CCL4: variants seen among roughly 807,000 people sequenced by gnomAD.
CCL4 encodes the protein C-C motif chemokine 4.
Under a neutral mutation model 10.3 loss-of-function variants are expected in CCL4, and 8 were observed. That is an observed-to-expected ratio of 0.77 (90% confidence interval 0.45 to 1.39). CCL4 has a LOEUF of 1.39. Among genes scored for constraint, CCL4 ranks in the 40% most tolerant of loss-of-function variants. The pLI is 0.00. For synonymous variants in CCL4, 35 were observed against 44.3 expected (o/e 0.79, Z 0.83); for missense variants, 106 against 111.2 (o/e 0.95, Z 0.21).
At chr17:36,104,378 T>C in intron 1 of CCL4, 150 bp from the exon 2 acceptor site, 1 of 916,900 alleles carries the variant, frequency 1.1e-6, no homozygotes, top group Non-Finnish European at 1.8e-6. Context: ...GATCCACTAT[T>C]CAAAATAAGA....
intron 1 of CCL4, chr17:36,104,210 G>C (rs2067141638): frequency 1.4e-6 from 1 of 719,568 alleles, no homozygotes; most frequent in African/African-American, 1.7e-5. Context: ...CTGGAAGTCA[G>C]ACTGTTGAAT....
At position 36,105,395 on chromosome 17, in the gene CCL4, G is replaced by C; in HGVS notation, c.*83G>C. 7.4e-7 allele frequency: 1 copy of C among 1,358,156 alleles called. No individual in the cohort carries two copies. The highest frequency in any genetic ancestry group is 1.2e-5 in the South Asian group (1 of 85,692). The allele number at this position is 1,358,156 out of a possible 1,614,324, so 84.1% of individuals were successfully genotyped here. A position where few individuals can be genotyped will look rare whatever the true frequency, so the allele number is the denominator to read the frequency against. On this transcript the variant is annotated 3_prime_UTR_variant, in exon 3 of 3. Coordinates refer to ENST00000615863, the MANE Select transcript of CCL4 (RefSeq NM_002984.4). ...TGAGACACATCTCCTCCATACTCAG[G>C]ACTCCTCTCCGCAGTTCCTGTCCCT...
At chr17:36,104,189 A>G in intron 1 of CCL4, 1 of 748,248 alleles carries the variant, frequency 1.3e-6, no homozygotes, top group Non-Finnish European at 2.4e-6. Flanking sequence ...CCAGCAGAGG[A>G]AAACGATGGG....
chr17:36,105,053 C>T (rs2067149630), intron 2 of CCL4, 172 bp from the exon 3 acceptor site: 3 of 789,802 alleles, frequency 3.8e-6, no homozygotes. Flanking sequence ...ACAGCTAAAT[C>T]CAGTGGGTGG....
intron 2 of CCL4, 31 bp from the exon 3 acceptor site, chr17:36,105,194 G>T (rs1361484836): frequency 1.9e-6 from 3 of 1,600,602 alleles, no homozygotes; most frequent in South Asian, 2.2e-5. Context: ...GGTCTCATGA[G>T]ATTCTAATCT....
rs2067154650 is a variant in CCL4, at chr17:36,105,441, T to TA, written c.*130dup. ...TCCCTTCTCTTAATTTAATCTTTTT[T>TA]ATGTGCCGTGTTATTGTATTAGGTG... On this transcript the variant is annotated 3_prime_UTR_variant, in exon 3 of 3. Transcript: ENST00000615863. 6 of 937,516 alleles carry TA rather than the reference T, an allele frequency of 6.4e-6. No homozygotes were observed. The highest frequency in any genetic ancestry group is 8.5e-6 in the Non-Finnish European group (5 of 586,050). 58.1% of individuals were successfully genotyped at this position (937,516 alleles called of 1,614,324 possible). A position where few individuals can be genotyped will look rare whatever the true frequency, so the allele number is the denominator to read the frequency against.
chr17:36,104,909 A>C (rs111504156), intron 2 of CCL4: 2 of 694,062 alleles, frequency 2.9e-6, no homozygotes, highest in Admixed American at 4.0e-5. Flanking sequence ...GTCCCATGAG[A>C]TATGGACCGA....
In CCL4 at chr17:36,105,579, G is replaced by A. The variant is rs1049840; in HGVS notation, c.*267G>A. 2 of 552,490 alleles carry A rather than the reference G, an allele frequency of 3.6e-6. No homozygotes were observed. Among genetic ancestry groups the A allele is most frequent in the African/African-American group, 1.9e-5 (1 of 53,152 alleles). 34.2% of individuals were successfully genotyped at this position (552,490 alleles called of 1,614,324 possible). On this transcript the variant is annotated 3_prime_UTR_variant, in exon 3 of 3. Transcript: ENST00000615863. Reference sequence around the variant, plus strand: ...ATACATGGATAACACATTTGATTCTGTGTGTTTTCATAATAAAACTTTAAA... The same window carrying A: ...ATACATGGATAACACATTTGATTCTATGTGTTTTCATAATAAAACTTTAAA...
intron 2 of CCL4, chr17:36,105,021 A>G: frequency 1.4e-6 from 1 of 733,176 alleles, no homozygotes; most frequent in Non-Finnish European, 2.5e-6. Flanking sequence ...TTGGTTCCTA[A>G]TCTGGGCAAC....
chr17:36,104,181 A>T, intron 1 of CCL4, 200 bp downstream of exon 1: 1 of 770,780 alleles, frequency 1.3e-6, no homozygotes, highest in Non-Finnish European at 2.3e-6. Flanking sequence ...ATTAGCAACC[A>T]GCAGAGGAAA....
chr17:36,104,546 C>T lies in CCL4; in HGVS notation c.95C>T (p.Thr32Ile). The change falls in exon 2 of 3, where the codon ACC (threonine) becomes ATC (isoleucine). Residue 32 changes from threonine to isoleucine, a missense_variant. By Grantham distance (89) the Thr-to-Ile change is moderately conservative. Coordinates refer to ENST00000615863, the MANE Select transcript of CCL4 (RefSeq NM_002984.4). ...CTTTCAGTGGGCTCAGACCCTCCCACCGCCTGCTGCTTTTCTTACACCGCG... is the reference window on the plus strand; with the variant it reads ...CTTTCAGTGGGCTCAGACCCTCCCATCGCCTGCTGCTTTTCTTACACCGCG... ...LSAPMGSDPPTACCFSYTARK... is the reference protein window; with the variant it reads ...LSAPMGSDPPIACCFSYTARK... 1.2e-6 allele frequency: 2 copies of T among 1,612,200 alleles called. No individual in the cohort carries two copies. The highest frequency in any genetic ancestry group is 1.7e-6 in the Non-Finnish European group (2 of 1,179,842).
chr17:36,105,228 C>T lies in CCL4; in HGVS notation c.195C>T (p.Phe65=). The change falls in exon 3 of 3, where the codon TTC becomes TTT. Residue 65 remains phenylalanine (F), a synonymous_variant. Coordinates refer to ENST00000615863, the MANE Select transcript of CCL4 (RefSeq NM_002984.4). ...SSLCSQPAVV[F]QTKRSKQVCA... Reference sequence around the variant, plus strand: ...CTGTCCGCTCCTTGTTCTACAGATTCCAAACCAAAAGAAGCAAGCAAGTCT... The same window carrying T: ...CTGTCCGCTCCTTGTTCTACAGATTTCAAACCAAAAGAAGCAAGCAAGTCT... The T allele has an allele frequency of 6.2e-7, 1 of 1,613,674 alleles. No homozygotes were observed. The highest frequency in any genetic ancestry group is 1.1e-5 in the South Asian group (1 of 91,080).
chr17:36,104,782 C>A, intron 2 of CCL4, 140 bp downstream of exon 2: 1 of 1,089,648 alleles, frequency 9.2e-7, no homozygotes, highest in Non-Finnish European at 1.4e-6. Flanking sequence ...GCAGTGAGGA[C>A]ACAGGTCATG....
At position 36,105,448 on chromosome 17, in the gene CCL4, C is replaced by T. The variant is rs1049824; in HGVS notation, c.*136C>T. The T allele has an allele frequency of 1.6e-5, 14 of 890,482 alleles. No individual in the cohort carries two copies. The highest frequency in any genetic ancestry group is 6.6e-5 in the African/African-American group (4 of 60,310). The allele number at this position is 890,482 out of a possible 1,614,324, so 55.2% of individuals were successfully genotyped here. ...TCTTAATTTAATCTTTTTTATGTGC[C>T]GTGTTATTGTATTAGGTGTCATTTC... On this transcript the variant is annotated 3_prime_UTR_variant, in exon 3 of 3. Transcript: ENST00000615863.
intron 2 of CCL4, chr17:36,104,954 G>C: frequency 1.4e-6 from 1 of 706,666 alleles, no homozygotes; most frequent in Non-Finnish European, 2.6e-6. Flanking sequence ...ATGTGGAAAA[G>C]TCACTGCCAG....
chr17:36,105,240 A>G lies in CCL4; in HGVS notation c.207A>G (p.Arg69=). ...SQPAVVFQTK[R]SKQVCADPSE... Reference sequence around the variant, plus strand: ...TGTTCTACAGATTCCAAACCAAAAGAAGCAAGCAAGTCTGTGCTGATCCCA... The same window carrying G: ...TGTTCTACAGATTCCAAACCAAAAGGAGCAAGCAAGTCTGTGCTGATCCCA... Residue 69 remains arginine, a synonymous_variant, in exon 3 of 3, where the codon AGA becomes AGG. Coordinates refer to ENST00000615863, the MANE Select transcript of CCL4 (RefSeq NM_002984.4). 6.2e-7 allele frequency: 1 copy of G among 1,613,902 alleles called. No homozygotes were observed. Among genetic ancestry groups the G allele is most frequent in the Non-Finnish European group, 8.5e-7 (1 of 1,179,824 alleles).
chr17:36,104,941 G>C, intron 2 of CCL4: 1 of 704,720 alleles, frequency 1.4e-6, no homozygotes, highest in Middle Eastern at 3.1e-4. Flanking sequence ...GTGCTAGAAA[G>C]ACATGTGGAA....
Position 36,105,256 on chromosome 17 carries a change from G to A in CCL4, c.223G>A (p.Ala75Thr). Reference sequence around the variant, plus strand: ...AACCAAAAGAAGCAAGCAAGTCTGTGCTGATCCCAGTGAATCCTGGGTCCA... The same window carrying A: ...AACCAAAAGAAGCAAGCAAGTCTGTACTGATCCCAGTGAATCCTGGGTCCA... ...FQTKRSKQVC[A>T]DPSESWVQEY... The change falls in exon 3 of 3, where the codon GCT (alanine) becomes ACT (threonine). Residue 75 changes from alanine to threonine, a missense_variant. Physicochemically the swap from Ala to Thr is moderately conservative, Grantham distance 58. Transcript: ENST00000615863. 6.2e-7 allele frequency: 1 copy of A among 1,614,042 alleles called. No individual in the cohort carries two copies. Among genetic ancestry groups the A allele is most frequent in the East Asian group, 2.2e-5 (1 of 44,876 alleles).
rs2067138302 is a variant in CCL4 at position 36,103,837 on chromosome 17, A to G, written c.-69A>G. The G allele has an allele frequency of 5.9e-6, 9 of 1,522,954 alleles. No individual in the cohort carries two copies. Among genetic ancestry groups the G allele is most frequent in the Non-Finnish European group, 8.2e-6 (9 of 1,097,080 alleles). The allele number at this position is 1,522,954 out of a possible 1,614,324, so 94.3% of individuals were successfully genotyped here. A position where few individuals can be genotyped will look rare whatever the true frequency, so the allele number is the denominator to read the frequency against. On this transcript the variant is annotated 5_prime_UTR_variant, in exon 1 of 3. Coordinates refer to ENST00000615863, the MANE Select transcript of CCL4 (RefSeq NM_002984.4). ...TCCCAAGTCAGTATCAGCACAGGACACAGCTGGGTTCTGAAGCTTCTGAGT... is the reference window on the plus strand; with the variant it reads ...TCCCAAGTCAGTATCAGCACAGGACGCAGCTGGGTTCTGAAGCTTCTGAGT...
Sources: gnomAD v4.1 joint callset for allele counts on GRCh38, gnomAD v4.1.1 for gene constraint, MANE v1.5 for transcripts, NCBI Gene and HGNC (gene_info 2026-07-23, HGNC 2026-07-21) for gene names.